Variants in GJA8 observed in about 807,000 individuals in gnomAD.
GJA8 encodes gap junction protein alpha 8, also known as gap junction alpha-8 protein.
In GJA8, 13 loss-of-function variants were observed where a neutral mutation model predicts 15.3. The observed-to-expected ratio is 0.85, with a 90% CI of 0.55 to 1.35. GJA8 has a LOEUF of 1.35. Among genes scored for constraint, GJA8 ranks in the 40% most tolerant of loss-of-function variants. The probability of loss-of-function intolerance (pLI) is 0.00; values close to 1 mark genes in which losing one functional copy is unlikely to be tolerated. For missense variants in GJA8, 607 were observed against 553.3 expected (o/e 1.10, Z -0.97); for synonymous variants, 304 against 238.7 (o/e 1.27, Z -2.52).
Position 147,902,821 on chromosome 1 carries a change from A to G in GJA8, c.-52A>G, listed in dbSNP as rs1481609283. On this transcript the variant is annotated 5_prime_UTR_variant, in exon 1 of 2. Coordinates refer to ENST00000369235, the MANE Select transcript of GJA8 (RefSeq NM_005267.5). ...CCATTTTGCTGCTGAGCGCCAAGAG[A>G]GAAAGAGCACATATTTCTCCGTGGG... 6.6e-6 allele frequency among the ~76,000 whole-genome samples: 1 copy of G among 152,166 alleles called. No individual in the cohort carries two copies. Among genetic ancestry groups the G allele is most frequent in the Non-Finnish European group, 1.5e-5 (1 of 68,040 alleles).
intron 1 of GJA8, among the ~76,000 whole-genome samples, chr1:147,903,116 T>C (rs2149012798): frequency 6.6e-6 from 1 of 152,278 alleles, no homozygotes; most frequent in Non-Finnish European, 1.5e-5. Flanking sequence ...ATGTCCAAAC[T>C]CAAACTACAA....
chr1:147,908,493 C>G lies in GJA8; in HGVS notation c.538C>G (p.Leu180Val). 3 of 1,614,208 alleles carry G rather than the reference C, an allele frequency of 1.9e-6. No individual in the cohort carries two copies. Among genetic ancestry groups the G allele is most frequent in the Non-Finnish European group, 2.5e-6 (3 of 1,180,040 alleles). Reference sequence around the variant, plus strand: ...CCTGTACGGGTTCCGGATCCTGCCTCTGTACCGCTGCAGCCGGTGGCCCTG... The same window carrying G: ...CCTGTACGGGTTCCGGATCCTGCCTGTGTACCGCTGCAGCCGGTGGCCCTG... ...YFLYGFRILP[L>V]YRCSRWPCPN... Residue 180 changes from leucine (L) to valine (V), a missense_variant, in exon 2 of 2, where the codon CTG becomes GTG. Physicochemically the swap from Leu to Val is conservative, Grantham distance 32 (BLOSUM62 1). Transcript: ENST00000369235.
chr1:147,907,823 G>C, intron 1 of GJA8, 122 bp from the exon 2 acceptor site: 1 of 758,996 alleles, frequency 1.3e-6, no homozygotes, highest in South Asian at 1.4e-5. Flanking sequence ...GATAGACGCT[G>C]TGTGCACATT....
chr1:147,908,760 C>G lies in GJA8; in HGVS notation c.805C>G (p.Leu269Val). The change falls in exon 2 of 2, where the codon CTA becomes GTA. Residue 269 changes from leucine to valine, a missense_variant. Physicochemically the swap from Leu to Val is conservative, Grantham distance 32. Coordinates refer to ENST00000369235, the MANE Select transcript of GJA8 (RefSeq NM_005267.5). ...SIQKAKGYQL[L>V]EEEKIVSHYF... Reference sequence around the variant, plus strand: ...CCAGAAAGCCAAGGGCTATCAGCTCCTAGAAGAAGAGAAAATCGTTTCCCA... The same window carrying G: ...CCAGAAAGCCAAGGGCTATCAGCTCGTAGAAGAAGAGAAAATCGTTTCCCA... 6.2e-7 allele frequency: 1 copy of G among 1,614,144 alleles called. No individual in the cohort carries two copies. Among genetic ancestry groups the G allele is most frequent in the Non-Finnish European group, 8.5e-7 (1 of 1,179,996 alleles).
intron 1 of GJA8, among the ~76,000 whole-genome samples, chr1:147,905,666 T>G (rs1474748599): frequency 6.6e-6 from 1 of 152,222 alleles, no homozygotes; most frequent in Non-Finnish European, 1.5e-5. Context: ...TTGTGATGTT[T>G]CCCACCTATT....
rs185489865 is a variant in GJA8 at position 147,907,390 on chromosome 1, A to G, written c.-11-555A>G. ...AAGTTCTTTCACAAAGTTGGTATTC[A>G]ATAAATGCTAATCCCCTTCCACTTC... On this transcript the variant is annotated intron_variant, in intron 1 of 1. Coordinates refer to ENST00000369235, the MANE Select transcript of GJA8 (RefSeq NM_005267.5). Among the ~76,000 whole-genome samples the G allele has an allele frequency of 9.1e-4, 139 of 152,350 alleles. 3 individuals carry two copies. The highest frequency in any genetic ancestry group is 8.2e-4 in the Non-Finnish European group (56 of 68,042).
downstream of GJA8, among the ~76,000 whole-genome samples, chr1:147,909,439 C>T (rs1358382808): frequency 1.3e-5 from 2 of 152,132 alleles, no homozygotes; most frequent in African/African-American, 4.8e-5. Context: ...CCACATCCAG[C>T]ATAAGGGCTA....
At position 147,908,718 on chromosome 1, in the gene GJA8, A is replaced by G. The variant is rs1267148796; in HGVS notation, c.763A>G (p.Ile255Val). The change falls in exon 2 of 2, where the codon ATT becomes GTT. Residue 255 changes from isoleucine (I) to valine (V), a missense_variant. By Grantham distance (29) the Ile-to-Val change is conservative. Transcript: ENST00000369235. ...GEIPEKSLHS[I>V]AVSSIQKAKG... is the part of the protein sequence containing the mutation. Reference sequence around the variant, plus strand: ...GATTCCTGAGAAATCCCTCCACTCCATTGCTGTCTCCTCCATCCAGAAAGC... The same window carrying G: ...GATTCCTGAGAAATCCCTCCACTCCGTTGCTGTCTCCTCCATCCAGAAAGC... 1 of 1,613,928 alleles carries G rather than the reference A, an allele frequency of 6.2e-7. No individual in the cohort carries two copies. The highest frequency in any genetic ancestry group is 1.3e-5 in the African/African-American group (1 of 74,878).
Position 147,908,469 on chromosome 1 carries a change from C to A in GJA8, c.514C>A (p.Leu172Met). 1 of 1,614,234 alleles carries A rather than the reference C, an allele frequency of 6.2e-7. No individual in the cohort carries two copies. Among genetic ancestry groups the A allele is most frequent in the Non-Finnish European group, 8.5e-7 (1 of 1,180,038 alleles). ...GGGCTTCATCGTGGGCCACTACTTC[C>A]TGTACGGGTTCCGGATCCTGCCTCT... ...EVGFIVGHYF[L>M]YGFRILPLYR... is the part of the protein sequence containing the mutation. The change falls in exon 2 of 2, where the codon CTG (leucine) becomes ATG (methionine). Residue 172 changes from leucine (L) to methionine (M), a missense_variant. Physicochemically the swap from Leu to Met is conservative, Grantham distance 15. Transcript: ENST00000369235.
downstream of GJA8, among the ~76,000 whole-genome samples, chr1:147,909,956 C>A (rs1553243256): frequency 6.6e-6 from 1 of 152,150 alleles, no homozygotes; most frequent in Non-Finnish European, 1.5e-5. Flanking sequence ...ACCTCCCAAG[C>A]TCAAGTGATC....
rs145460157 is a variant in GJA8 at position 147,905,498 on chromosome 1, G to T, written c.-11-2447G>T. ...TAGCAAGATAGTTAAGATTCAGTAAGATATTAGTAAGATAGTAAGATATTA... is the reference window on the plus strand; with the variant it reads ...TAGCAAGATAGTTAAGATTCAGTAATATATTAGTAAGATAGTAAGATATTA... On this transcript the variant is annotated intron_variant, in intron 1 of 1. Transcript: ENST00000369235. 2.2e-3 allele frequency among the ~76,000 whole-genome samples: 339 copies of T among 152,372 alleles called. 1 individual carries two copies. The highest frequency in any genetic ancestry group is 7.7e-3 in the African/African-American group (322 of 41,592).
intron 1 of GJA8, among the ~76,000 whole-genome samples, chr1:147,907,399 T>C (rs1553242409): frequency 6.6e-6 from 1 of 152,206 alleles, no homozygotes; most frequent in Admixed American, 6.5e-5. Flanking sequence ...CAATAAATGC[T>C]AATCCCCTTC....
At position 147,908,460 on chromosome 1, in the gene GJA8, CA is replaced by C. The variant is rs1651908985; in HGVS notation, c.506del (p.His169ProfsTer53). On this transcript the variant is annotated frameshift_variant, in exon 2 of 2. Transcript: ENST00000369235. LOFTEE classifies it high-confidence loss of function. ...CTTTGAAGTGGGCTTCATCGTGGGC[CA>C]CTACTTCCTGTACGGGTTCCGGATC... Reference protein sequence around the residue: ...TLFEVGFIVGHYFLYGFRILP... With the variant: ...TLFEVGFIVGXYFLYGFRILP... 1 of 1,614,090 alleles carries C rather than the reference CA, an allele frequency of 6.2e-7. No individual in the cohort carries two copies. Among genetic ancestry groups the C allele is most frequent in the African/African-American group, 1.3e-5 (1 of 74,916 alleles).
At chr1:147,913,005 A>G (rs1652238182), downstream of GJA8, among the ~76,000 whole-genome samples, 1 of 152,102 alleles carries the variant, frequency 6.6e-6, no homozygotes, top group Non-Finnish European at 1.5e-5. Flanking sequence ...CACTGGACAG[A>G]TATTCCTGAA....
chr1:147,911,775 A>G (rs896963863), downstream of GJA8, among the ~76,000 whole-genome samples: 11 of 152,194 alleles, frequency 7.2e-5, no homozygotes, highest in Non-Finnish European at 1.5e-5. Flanking sequence ...TAAAGTGTCT[A>G]TCTCAACTAG....
downstream of GJA8, among the ~76,000 whole-genome samples, chr1:147,914,001 G>C (rs1652283003): frequency 6.6e-6 from 1 of 152,252 alleles, no homozygotes; most frequent in African/African-American, 2.4e-5. Context: ...AAAATTCTCG[G>C]TTCAGCATTT....
downstream of GJA8, among the ~76,000 whole-genome samples, chr1:147,913,528 C>T (rs901312826): frequency 9.2e-5 from 14 of 152,312 alleles, no homozygotes; most frequent in Admixed American, 2.0e-4. Context: ...GAGATAATCT[C>T]TGACTCATGG....
At chr1:147,907,794 C>T (rs782330155) in intron 1 of GJA8, among the ~76,000 whole-genome samples, 151 bp from the exon 2 acceptor site, 5 of 152,176 alleles carry the variant, frequency 3.3e-5, no homozygotes, top group Admixed American at 6.5e-5. Flanking sequence ...TAGTCCTAGT[C>T]TGCACAAAGG....
rs373672772 is a variant in GJA8 at position 147,904,685 on chromosome 1, A to C, written c.-12+1824A>C. On this transcript the variant is annotated intron_variant, in intron 1 of 1. Transcript: ENST00000369235. ...TGCTTCTCTGATCTGACTTCCTTTAAATTTTCACTGTTAGAAGTCAGGAAA... is the reference window on the plus strand; with the variant it reads ...TGCTTCTCTGATCTGACTTCCTTTACATTTTCACTGTTAGAAGTCAGGAAA... Among the ~76,000 whole-genome samples the C allele has an allele frequency of 2.0e-5, 3 of 152,134 alleles. No homozygotes were observed. In the East Asian group the frequency reaches 5.8e-4, roughly 29 times the overall value.
Sources: allele counts gnomAD v4.1 joint callset (sites outside exome capture counted in the v4.1 genomes callset), GRCh38; gene constraint gnomAD v4.1.1; transcripts MANE v1.5; gene names NCBI Gene and HGNC (gene_info 2026-07-23, HGNC 2026-07-21).